Variants in USH2A observed in about 807,000 individuals in gnomAD.
USH2A encodes the protein usherin.
USH2A carries 443 observed loss-of-function variants against 538.9 expected under a neutral mutation model. The ratio of observed to expected loss-of-function variants is 0.82; its 90% confidence interval spans 0.76 to 0.89. The LOEUF is 0.89. Among genes scored for constraint, USH2A ranks in the 40% least tolerant of loss-of-function variants. The pLI is 0.00. For synonymous variants in USH2A, 2,413 were observed against 2,273.5 expected (o/e 1.06, Z -1.75); for missense variants, 6,633 against 6,324.8 (o/e 1.05, Z -1.65).
In USH2A at chr1:215,786,798, A is replaced by G. The variant is rs765479672; in HGVS notation, c.10259T>C (p.Phe3420Ser). ...TEHCGRCDFN[F>S]TSHICTVIRG... ...TATCACAGTGCAAATGTGGCTGGTA[A>G]AGTTGAAGTCACACCTGCCACAATG... The change falls in exon 52 of 72, where the codon TTT becomes TCT. Residue 3420 changes from phenylalanine to serine, a missense_variant. Phe to Ser is a radical substitution (Grantham distance 155). Transcript: ENST00000307340. 3.8e-5 allele frequency: 61 copies of G among 1,613,438 alleles called. No homozygotes were observed. Among genetic ancestry groups the G allele is most frequent in the Non-Finnish European group, 4.7e-5 (55 of 1,179,860 alleles).
At chr1:215,703,886 T>A (rs1033951858) in intron 61 of USH2A, among the ~76,000 whole-genome samples, 1 of 151,908 alleles carries the variant, frequency 6.6e-6, no homozygotes, top group Non-Finnish European at 1.5e-5. Context: ...TGCAGCTACC[T>A]CAGTGTCTGC....
At chr1:215,838,156 TAAC>T (rs1663583134) in intron 46 of USH2A, 53 bp from the exon 47 acceptor site, 16 of 1,386,254 alleles carry the variant, frequency 1.2e-5, no homozygotes, top group Non-Finnish European at 1.5e-5. Context: ...AAATACTTAC[TAAC>T]AATAGTCTGA....
chr1:215,758,743 G>A lies in USH2A; in HGVS notation c.11241C>T (p.Tyr3747=). ...CACCTCCAGTTTTGACTTCTAACTTGTAAGTGTATCTATATTTAAAAAGAA... is the reference window on the plus strand; with the variant it reads ...CACCTCCAGTTTTGACTTCTAACTTATAAGTGTATCTATATTTAAAAAGAA... The part of the protein sequence containing the change: ...KNLEPNSRYT[Y]KLEVKTGGGS... The change falls in exon 58 of 72, where the codon TAC becomes TAT. Residue 3747 remains tyrosine (Y), a synonymous_variant. Coordinates refer to ENST00000307340, the MANE Select transcript of USH2A (RefSeq NM_206933.4). The A allele has an allele frequency of 6.2e-7, 1 of 1,613,778 alleles. No individual in the cohort carries two copies.
chr1:215,799,040 G>A lies in USH2A; in HGVS notation c.9825C>T (p.Thr3275=), dbSNP rs1662223790. 2.5e-6 allele frequency: 4 copies of A among 1,613,968 alleles called. No homozygotes were observed. Among genetic ancestry groups the A allele is most frequent in the African/African-American group, 1.3e-5 (1 of 74,936 alleles). Residue 3275 remains threonine (T), a synonymous_variant, in exon 50 of 72, where the codon ACC becomes ACT. Coordinates refer to ENST00000307340, the MANE Select transcript of USH2A (RefSeq NM_206933.4). The part of the protein sequence containing the change: ...DSCCGRMPYS[T]SGNQICCAGR... ...CAGCACAGCAAATCTGGTTTCCTGA[G>A]GTGGAGTACGGCATTCTGCCACAGC...
intron 44 of USH2A, among the ~76,000 whole-genome samples, chr1:215,848,183 G>A (rs1000565995): frequency 3.9e-5 from 6 of 152,096 alleles, no homozygotes; most frequent in Non-Finnish European, 8.8e-5. Context: ...TCTGTTACTA[G>A]CATCATTTTC....
chr1:216,278,893 T>G (rs2036719895), intron 11 of USH2A, among the ~76,000 whole-genome samples: 2 of 152,186 alleles, frequency 1.3e-5, no homozygotes, highest in Non-Finnish European at 2.9e-5. Context: ...GAAAGTATAT[T>G]CTGTTCAAAT....
chr1:216,052,057 T>TA (rs1271425935), intron 30 of USH2A, among the ~76,000 whole-genome samples: 11 of 152,320 alleles, frequency 7.2e-5, no homozygotes, highest in East Asian at 5.8e-4. Context: ...CTAAAGGAGT[T>TA]ACGTTGTGTA....
chr1:216,153,466 G>C (rs1325486508), intron 21 of USH2A, among the ~76,000 whole-genome samples: 1 of 152,158 alleles, frequency 6.6e-6, no homozygotes, highest in Non-Finnish European at 1.5e-5. Flanking sequence ...CAGGGTGTCA[G>C]GGAATTCTCC....
At chr1:216,416,596 G>T (rs139476243) in intron 3 of USH2A, among the ~76,000 whole-genome samples, 2,931 of 152,222 alleles carry the variant, frequency 0.019, 41 homozygotes, top group Non-Finnish European at 0.03. Context: ...GATTCATGAA[G>T]AAATTTTGCC....
chr1:216,053,492 A>T (rs868811317), intron 30 of USH2A, among the ~76,000 whole-genome samples: 4 of 148,550 alleles, frequency 2.7e-5, no homozygotes, highest in Admixed American at 6.8e-5. Flanking sequence ...TCCCTATTAC[A>T]AGGCAGGCCA....
chr1:215,944,236 TA>T (rs1186208051), intron 37 of USH2A, among the ~76,000 whole-genome samples: 2 of 152,194 alleles, frequency 1.3e-5, no homozygotes, highest in Non-Finnish European at 2.9e-5. Flanking sequence ...TTTCATGATA[TA>T]ACTGCAGAAT....
Position 216,271,271 on chromosome 1 carries a change from G to A in USH2A, c.1971+18009C>T, listed in dbSNP as rs368136793. ...CCCAGACTTTCTATAGGAAGGGCAG[G>A]GTGGCCAAAAATGTTGCTCAGGGAT... On this transcript the variant is annotated intron_variant, in intron 11 of 71. Transcript: ENST00000307340. Among the ~76,000 whole-genome samples, 24 of 152,160 alleles carry A rather than the reference G, an allele frequency of 1.6e-4. No individual in the cohort carries two copies. The East Asian group carries it at 2.9e-3, about 18-fold the overall frequency.
At chr1:215,851,150 C>T (rs765373962) in intron 44 of USH2A, among the ~76,000 whole-genome samples, 1 of 151,980 alleles carries the variant, frequency 6.6e-6, no homozygotes, top group African/African-American at 2.4e-5. Context: ...GAAACAAGTA[C>T]AAACTAAACC....
intron 3 of USH2A, among the ~76,000 whole-genome samples, 153 bp downstream of exon 3, chr1:216,418,360 AT>A (rs2039610754): frequency 6.6e-6 from 1 of 152,156 alleles, no homozygotes; most frequent in Admixed American, 6.6e-5. Context: ...TCATTAGGTC[AT>A]TTAAATATTT....
chr1:215,647,632 GCTTT>G lies in USH2A; in HGVS notation c.14677_14680del (p.Lys4893ProfsTer14). On this transcript the variant is annotated frameshift_variant, in exon 67 of 72. Coordinates refer to ENST00000307340, the MANE Select transcript of USH2A (RefSeq NM_206933.4). LOFTEE classifies it high-confidence loss of function. ...GTAGGGCTGGAGACCCCCAAGGCTG[GCTTT>G]CTGCCCCAGCCCCGTGTACTTTGTT... 6.2e-7 allele frequency: 1 copy of G among 1,614,174 alleles called. No individual in the cohort carries two copies. Among genetic ancestry groups the G allele is most frequent in the Non-Finnish European group, 8.5e-7 (1 of 1,180,040 alleles).
At position 215,822,630 on chromosome 1, in the gene USH2A, T is replaced by A. The variant is rs116707963; in HGVS notation, c.9372-5435A>T. On this transcript the variant is annotated intron_variant, in intron 47 of 71. Coordinates refer to ENST00000307340, the MANE Select transcript of USH2A (RefSeq NM_206933.4). ...CCCTTTATTTCTTCTCTTGACAAATTGCCTCACCAGGATTTCCAGTATTGT... is the reference window on the plus strand; with the variant it reads ...CCCTTTATTTCTTCTCTTGACAAATAGCCTCACCAGGATTTCCAGTATTGT... 9.4e-3 allele frequency among the ~76,000 whole-genome samples: 1,425 copies of A among 152,046 alleles called. 26 individuals carry two copies. The highest frequency in any genetic ancestry group is 0.032 in the African/African-American group (1,348 of 41,538).
intron 4 of USH2A, among the ~76,000 whole-genome samples, chr1:216,333,834 G>A (rs950583647): frequency 1.3e-5 from 2 of 151,958 alleles, no homozygotes; most frequent in Non-Finnish European, 2.9e-5. Context: ...AAAAAAAACT[G>A]TACACCAAAA....
chr1:215,855,733 G>C (rs540731125), intron 44 of USH2A, among the ~76,000 whole-genome samples: 1 of 151,932 alleles, frequency 6.6e-6, no homozygotes, highest in African/African-American at 2.4e-5. Context: ...GCCAAAGCAA[G>C]ACTATGCTAA....
At chr1:215,982,608 CT>C (rs1667776289) in intron 35 of USH2A, among the ~76,000 whole-genome samples, 1 of 152,158 alleles carries the variant, frequency 6.6e-6, no homozygotes, top group African/African-American at 2.4e-5. Flanking sequence ...TTACTAAATA[CT>C]GTAAAATAAT....
Sources: allele counts gnomAD v4.1 joint callset (sites outside exome capture counted in the v4.1 genomes callset), GRCh38; gene constraint gnomAD v4.1.1; transcripts MANE v1.5; gene names NCBI Gene and HGNC (gene_info 2026-07-23, HGNC 2026-07-21).